The following MKRN2OS variants were observed in gnomAD, a reference collection of about 807,000 sequenced individuals.
MKRN2OS encodes the protein MKRN2 opposite strand protein.
A neutral mutation model predicts 18.2 loss-of-function variants in MKRN2OS; 17 were observed. The observed-to-expected ratio is 0.93, with a 90% confidence interval of 0.64 to 1.40. The LOEUF is 1.40. Ranked by LOEUF, MKRN2OS falls within the 40% of genes most tolerant of loss-of-function variation. MKRN2OS has a pLI of 0.00. For synonymous variants in MKRN2OS, 121 were observed against 108.5 expected (o/e 1.12, Z -0.72); for missense variants, 337 against 283.0 (o/e 1.19, Z -1.37).
At chr3:12,557,460 G>A (rs1455157232) in intron 1 of MKRN2OS, among the ~76,000 whole-genome samples, 1 of 152,240 alleles carries the variant, frequency 6.6e-6, no homozygotes, top group Non-Finnish European at 1.5e-5. Context: ...AGCCAGGGCC[G>A]TGCAGGATGC....
upstream of MKRN2OS, among the ~76,000 whole-genome samples, chr3:12,548,083 G>A (rs569289727): frequency 3.9e-5 from 6 of 152,294 alleles, no homozygotes; most frequent in East Asian, 1.2e-3. Flanking sequence ...GCCAAGGCAG[G>A]TTAATCACCT....
intron 1 of MKRN2OS, among the ~76,000 whole-genome samples, chr3:12,559,323 A>G (rs573471795): frequency 6.6e-6 from 1 of 152,338 alleles, no homozygotes; most frequent in Non-Finnish European, 1.5e-5. Flanking sequence ...TTATTATCTC[A>G]TTAACAAAAG....
At chr3:12,552,587 C>A (rs964136678), downstream of MKRN2OS, among the ~76,000 whole-genome samples, 1 of 151,204 alleles carries the variant, frequency 6.6e-6, no homozygotes, top group African/African-American at 2.4e-5. Flanking sequence ...AATTTTGTAT[C>A]TTTAGTAGGG....
In MKRN2OS at chr3:12,541,944, A is replaced by G. The variant is rs1188516283; in HGVS notation, c.347T>C (p.Leu116Pro). 16 of 1,536,122 alleles carry G rather than the reference A, an allele frequency of 1.0e-5. No individual in the cohort carries two copies. The East Asian group carries it at 3.4e-4, about 33-fold the overall frequency. ...GWEESISIPL[L>P]QPNMYGMMEQ... ...CATCATTCCATACATGTTGGGCTGC[A>G]GTAATGGGATGCTTATGCTCTCTTC... The change falls in exon 3 of 4, where the codon CTG becomes CCG. Residue 116 changes from leucine (L) to proline (P), a missense_variant. Physicochemically the swap from Leu to Pro is moderately conservative, Grantham distance 98. Coordinates refer to ENST00000564146, the MANE Select transcript of MKRN2OS (RefSeq NM_001195279.2).
rs2057769282 is a variant in MKRN2OS, at chr3:12,539,936, C to T, written c.*257G>A. On this transcript the variant is annotated 3_prime_UTR_variant, in exon 4 of 4. Coordinates refer to ENST00000564146, the MANE Select transcript of MKRN2OS (RefSeq NM_001195279.2). ...TAGTAGTTGGGATTACAGGCATGCG[C>T]CACCATGCCCAGCTAATTTTATATT... The T allele has an allele frequency of 6.9e-6, 3 of 437,288 alleles. No individual in the cohort carries two copies. The highest frequency in any genetic ancestry group is 3.5e-5 in the Admixed American group (1 of 28,940). The allele number at this position is 437,288 out of a possible 1,614,324, so 27.1% of individuals were successfully genotyped here.
intron 1 of MKRN2OS, chr3:12,557,318 G>A: frequency 8.3e-7 from 1 of 1,212,094 alleles, no homozygotes; most frequent in South Asian, 1.7e-5. Flanking sequence ...GGCTTTGCGA[G>A]GCAGAGCGAG....
chr3:12,540,676 C>A (rs1222862489), intron 3 of MKRN2OS, among the ~76,000 whole-genome samples: 2 of 152,096 alleles, frequency 1.3e-5, no homozygotes, highest in African/African-American at 4.8e-5. Flanking sequence ...GAGTTCGAAA[C>A]TGGCCTGGCC....
At chr3:12,547,567 A>T (rs538093122), upstream of MKRN2OS, among the ~76,000 whole-genome samples, 14 of 152,274 alleles carry the variant, frequency 9.2e-5, no homozygotes, top group East Asian at 2.7e-3. Context: ...ATATTGTTAT[A>T]TTGTATACTG....
chr3:12,543,145 A>G (rs983888460), intron 2 of MKRN2OS, 35 bp downstream of exon 2: 19 of 1,502,252 alleles, frequency 1.3e-5, no homozygotes, highest in African/African-American at 2.8e-5. Flanking sequence ...TTTGCTGGGT[A>G]GTAGGGGTTT....
At chr3:12,548,943 T>C (rs2125293443), upstream of MKRN2OS, among the ~76,000 whole-genome samples, 1 of 152,270 alleles carries the variant, frequency 6.6e-6, no homozygotes, top group Non-Finnish European at 1.5e-5. Context: ...TTTTTTATTT[T>C]ATTTTATTTG....
intron 1 of MKRN2OS, among the ~76,000 whole-genome samples, chr3:12,555,437 T>C (rs2057960822): frequency 6.6e-6 from 1 of 152,088 alleles, no homozygotes; most frequent in Non-Finnish European, 1.5e-5. Context: ...TCCAAATTCC[T>C]GAGAAAAATT....
At chr3:12,549,989 T>C (rs1033545242), upstream of MKRN2OS, among the ~76,000 whole-genome samples, 2 of 152,226 alleles carry the variant, frequency 1.3e-5, no homozygotes, top group Admixed American at 6.5e-5. Flanking sequence ...CTCTCATTGC[T>C]GGTGGGAATG....
In MKRN2OS at chr3:12,541,799, G is replaced by A. The variant is rs2057817717; in HGVS notation, c.431+61C>T. 6.7e-6 allele frequency: 10 copies of A among 1,484,548 alleles called. No individual in the cohort carries two copies. The Middle Eastern group carries it at 6.9e-4, about 102-fold the overall frequency. 92.0% of individuals were successfully genotyped at this position (1,484,548 alleles called of 1,614,324 possible). Reference sequence around the variant, plus strand: ...AGTCCTCTGTGAGCTGAGGCTACACGGGGATCCCACTTGCATAGCATGTGA... The same window carrying A: ...AGTCCTCTGTGAGCTGAGGCTACACAGGGATCCCACTTGCATAGCATGTGA... On this transcript the variant is annotated intron_variant, in intron 3 of 3. Transcript: ENST00000564146.
At position 12,557,272 on chromosome 3, in the gene MKRN2OS, G is replaced by A. The variant is rs927991606; in HGVS notation, n.265-3138C>T. On this transcript the variant is annotated intron_variant and non_coding_transcript_variant, in intron 1 of 1. Transcript: ENST00000447550. Reference sequence around the variant, plus strand: ...TGTGGTCCGGGAACCTGAGGCTAGAGCGGGACTCGGAAAGTTACTCGGCTG... The same window carrying A: ...TGTGGTCCGGGAACCTGAGGCTAGAACGGGACTCGGAAAGTTACTCGGCTG... 31 of 1,462,894 alleles carry A rather than the reference G, an allele frequency of 2.1e-5. No individual in the cohort carries two copies. The Admixed American group carries it at 4.0e-4, about 19-fold the overall frequency. The allele number at this position is 1,462,894 out of a possible 1,614,324, so 90.6% of individuals were successfully genotyped here. A position where few individuals can be genotyped will look rare whatever the true frequency, so the allele number is the denominator to read the frequency against.
In MKRN2OS at chr3:12,542,008, A is replaced by C; in HGVS notation, c.283T>G (p.Tyr95Asp). Residue 95 changes from tyrosine to aspartate, a missense_variant, in exon 3 of 4, where the codon TAC becomes GAC. Physicochemically the swap from Tyr to Asp is radical, Grantham distance 160 (BLOSUM62 -3). Transcript: ENST00000564146. ...TCTCGCTGGACACCATGTGCACTGT[A>C]ATTATACACAACCCCTGCAAATCAA... is the stretch of plus-strand genomic sequence containing the variant. Reference protein sequence around the residue: ...ITNTNGVVYNYSAHGVQRDGE... With the variant: ...ITNTNGVVYNDSAHGVQRDGE... The C allele has an allele frequency of 6.5e-7, 1 of 1,535,290 alleles. No individual in the cohort carries two copies.
upstream of MKRN2OS, among the ~76,000 whole-genome samples, chr3:12,549,091 C>A (rs1559382869): frequency 6.6e-6 from 1 of 152,098 alleles, no homozygotes; most frequent in Non-Finnish European, 1.5e-5. Context: ...CCCACCATCA[C>A]ACCTGACTAA....
chr3:12,543,714 C>T (rs192692356), intron 1 of MKRN2OS, among the ~76,000 whole-genome samples: 8 of 151,944 alleles, frequency 5.3e-5, no homozygotes, highest in South Asian at 2.1e-4. Flanking sequence ...TGCGAAACCT[C>T]GTCTCTACTA....
At chr3:12,548,462 A>T (rs761064501), upstream of MKRN2OS, among the ~76,000 whole-genome samples, 2,045 of 97,664 alleles carry the variant, frequency 0.021, 94 homozygotes, top group Non-Finnish European at 0.027. Context: ...AAAAAAAAAA[A>T]AAAAAAAAAA....
At chr3:12,557,869 A>G (rs1424463305) in intron 1 of MKRN2OS, among the ~76,000 whole-genome samples, 2 of 152,244 alleles carry the variant, frequency 1.3e-5, no homozygotes, top group African/African-American at 4.8e-5. Flanking sequence ...ACGAGGAGAA[A>G]TGCGACGGTA....
Sources: allele counts gnomAD v4.1 joint callset (sites outside exome capture counted in the v4.1 genomes callset), GRCh38; gene constraint gnomAD v4.1.1; transcripts MANE v1.5; gene names NCBI Gene and HGNC (gene_info 2026-07-23, HGNC 2026-07-21).